The following NPSR1 variants were observed in gnomAD, a reference collection of about 807,000 sequenced individuals.
NPSR1 encodes neuropeptide S receptor.
NPSR1 carries 48 observed loss-of-function variants against 46.9 expected under a neutral mutation model. The ratio of observed to expected loss-of-function variants is 1.02; its 90% CI spans 0.81 to 1.30. NPSR1 has a LOEUF of 1.30. NPSR1 is among the 50% of genes most tolerant of loss of function. The probability of loss-of-function intolerance (pLI) is 0.00; values close to 1 mark genes in which losing one functional copy is unlikely to be tolerated. For synonymous variants in NPSR1, 176 were observed against 168.1 expected (o/e 1.05, Z -0.36); for missense variants, 450 against 449.5 (o/e 1.00, Z -0.01).
intron 2 of NPSR1, among the ~76,000 whole-genome samples, chr7:34,723,613 G>C (rs1783982037): frequency 6.6e-6 from 1 of 151,944 alleles, no homozygotes; most frequent in Non-Finnish European, 1.5e-5. Flanking sequence ...TAGGTCACTG[G>C]GATTTCCATT....
chr7:34,797,365 TG>T (rs1228506342), intron 3 of NPSR1, among the ~76,000 whole-genome samples: 1 of 152,210 alleles, frequency 6.6e-6, no homozygotes, highest in African/African-American at 2.4e-5. Flanking sequence ...GTTCATCCAC[TG>T]TAACAAATAT....
intron 2 of NPSR1, among the ~76,000 whole-genome samples, chr7:34,737,902 C>A (rs908512546): frequency 6.6e-6 from 1 of 152,184 alleles, no homozygotes; most frequent in Non-Finnish European, 1.5e-5. Context: ...CTTTTGAACT[C>A]AAGTTTCCTT....
chr7:34,788,879 A>T (rs982871049), intron 3 of NPSR1, among the ~76,000 whole-genome samples: 12 of 152,112 alleles, frequency 7.9e-5, no homozygotes, highest in African/African-American at 1.2e-4. Flanking sequence ...CCCAAGGAAC[A>T]TTCTCCAGGA....
At chr7:34,666,580 T>C (rs1791762348) in intron 1 of NPSR1, among the ~76,000 whole-genome samples, 2 of 152,170 alleles carry the variant, frequency 1.3e-5, no homozygotes, top group South Asian at 4.1e-4. Flanking sequence ...TCTTAGCAAA[T>C]TGAGTTCAGC....
At chr7:34,792,645 ATATATATGTATATATATATT>A (rs1311318681) in intron 3 of NPSR1, among the ~76,000 whole-genome samples, 6 of 121,408 alleles carry the variant, frequency 4.9e-5, no homozygotes, top group African/African-American at 1.7e-4. Flanking sequence ...GTATGTGTAT[ATATATATGTATATATATATT>A]TATATATATG....
chr7:34,811,956 G>T, intron 4 of NPSR1, 93 bp downstream of exon 4: 1 of 766,216 alleles, frequency 1.3e-6, no homozygotes. Context: ...TAATAATAGT[G>T]ATCTTCCTCC....
intron 3 of NPSR1, 60 bp downstream of exon 3, chr7:34,778,625 T>A: frequency 9.3e-7 from 1 of 1,078,090 alleles, no homozygotes; most frequent in Non-Finnish European, 1.4e-6. Context: ...CTTTTAGATT[T>A]ATCTAAGGAA....
intron 1 of NPSR1, among the ~76,000 whole-genome samples, chr7:34,662,318 C>T (rs1336498242): frequency 6.6e-6 from 1 of 152,152 alleles, no homozygotes; most frequent in African/African-American, 2.4e-5. Context: ...TTTGTTTGTA[C>T]ACCCTCCCTG....
At chr7:34,866,140 G>A (rs543021132) in intron 8 of NPSR1, among the ~76,000 whole-genome samples, 72 of 151,992 alleles carry the variant, frequency 4.7e-4, no homozygotes, top group Non-Finnish European at 7.1e-4. Flanking sequence ...TTGGACCTAC[G>A]TTTTGTCCCA....
chr7:34,660,288 C>G, intron 1 of NPSR1: 1 of 438,332 alleles, frequency 2.3e-6, no homozygotes, highest in Non-Finnish European at 4.6e-6. Context: ...TTGAGAGATA[C>G]GTGTATTGAC....
intron 1 of NPSR1, among the ~76,000 whole-genome samples, chr7:34,673,331 A>G (rs755902652): frequency 1.3e-5 from 2 of 152,114 alleles, no homozygotes; most frequent in African/African-American, 4.8e-5. Context: ...ATGTTTATGG[A>G]ATTTGATTGT....
intron 8 of NPSR1, among the ~76,000 whole-genome samples, chr7:34,862,677 T>C (rs1467598330): frequency 6.6e-6 from 1 of 151,760 alleles, no homozygotes; most frequent in Non-Finnish European, 1.5e-5. Context: ...ATTTACTAAT[T>C]AAATTTCTAC....
intron 3 of NPSR1, among the ~76,000 whole-genome samples, chr7:34,780,434 A>G (rs978757386): frequency 6.6e-6 from 1 of 152,164 alleles, no homozygotes; most frequent in Admixed American, 6.6e-5. Flanking sequence ...ATATCTTTTG[A>G]CATAGGGAAA....
intron 6 of NPSR1, among the ~76,000 whole-genome samples, chr7:34,842,783 T>C (rs1790616689): frequency 6.6e-6 from 1 of 152,226 alleles, no homozygotes; most frequent in African/African-American, 2.4e-5. Context: ...ATGTTCACAC[T>C]ACAAAAACAC....
intron 2 of NPSR1, among the ~76,000 whole-genome samples, chr7:34,739,383 T>C (rs1346027572): frequency 1.3e-5 from 2 of 152,234 alleles, no homozygotes; most frequent in Non-Finnish European, 2.9e-5. Flanking sequence ...CTAACATCTC[T>C]ACATCCTTGC....
At chr7:34,711,779 G>T (rs1783301184) in intron 2 of NPSR1, among the ~76,000 whole-genome samples, 1 of 152,234 alleles carries the variant, frequency 6.6e-6, no homozygotes, top group Non-Finnish European at 1.5e-5. Context: ...GTTGAGACTT[G>T]TGCCCAGGCT....
intron 1 of NPSR1, among the ~76,000 whole-genome samples, chr7:34,679,204 CA>C (rs1792487521): frequency 6.6e-6 from 1 of 151,922 alleles, no homozygotes; most frequent in Non-Finnish European, 1.5e-5. Context: ...AGTACAAAAA[CA>C]AACTTTAAAA....
rs1790274215 is a variant in NPSR1, at chr7:34,834,460, G to A, written c.757G>A (p.Asp253Asn). Residue 253 changes from aspartate (D) to asparagine (N), a missense_variant and splice_region_variant, in exon 6 of 9, where the codon GAT becomes AAT. Physicochemically the swap from Asp to Asn is conservative, Grantham distance 23. Coordinates refer to ENST00000360581, the MANE Select transcript of NPSR1 (RefSeq NM_207172.2). ...CGAAACAGTGATTTCCAACTGCTCA[G>A]GTAAGTCTCTACTCTGCATGGCCCA... The part of the protein sequence containing the change: ...TYETVISNCS[D>N]GKLCSSYNRG... 1.2e-6 allele frequency: 2 copies of A among 1,607,456 alleles called. No individual in the cohort carries two copies. The highest frequency in any genetic ancestry group is 1.7e-6 in the Non-Finnish European group (2 of 1,174,070).
At chr7:34,717,128 CTTT>C (rs2128705418) in intron 2 of NPSR1, among the ~76,000 whole-genome samples, 1 of 152,250 alleles carries the variant, frequency 6.6e-6, no homozygotes, top group South Asian at 2.1e-4. Context: ...TATAATGAGT[CTTT>C]TTTGTTTGAT....
Sources: allele counts gnomAD v4.1 joint callset (sites outside exome capture counted in the v4.1 genomes callset), GRCh38; gene constraint gnomAD v4.1.1; transcripts MANE v1.5; gene names NCBI Gene and HGNC (gene_info 2026-07-23, HGNC 2026-07-21).